Variants in DNAH14 observed in about 807,000 individuals in gnomAD.
The protein encoded by DNAH14 is axonemal beta dynein heavy chain 14.
In DNAH14, 478 loss-of-function variants were observed where a neutral mutation model predicts 520.9. The ratio of observed to expected loss-of-function variants is 0.92; its 90% CI spans 0.85 to 0.99. The LOEUF (loss-of-function observed/expected upper bound fraction) is 0.99, where lower values mean the gene tolerates loss of function less well. Among genes scored for constraint, DNAH14 ranks in the 50% least tolerant of loss-of-function variants. DNAH14 has a pLI of 0.00. For synonymous variants in DNAH14, 1,581 were observed against 1,757.2 expected (o/e 0.90, Z 2.51); for missense variants, 4,831 against 5,234.5 (o/e 0.92, Z 2.38).
At chr1:225,078,762 T>TTCTCAA (rs2072604498) in intron 17 of DNAH14, among the ~76,000 whole-genome samples, 1 of 50,610 alleles carries the variant, frequency 2.0e-5, no homozygotes, top group Non-Finnish European at 3.7e-5. Context: ...CACTCCCCCA[T>TTCTCAA]TCTCAATCTC....
chr1:225,339,489 C>T (rs2095135340), intron 68 of DNAH14, among the ~76,000 whole-genome samples: 1 of 152,186 alleles, frequency 6.6e-6, no homozygotes, highest in Non-Finnish European at 1.5e-5. Flanking sequence ...ACCAAACCCT[C>T]TTCAGAAAAT....
intron 17 of DNAH14, among the ~76,000 whole-genome samples, chr1:225,059,531 A>C (rs1465075157): frequency 6.6e-6 from 1 of 152,226 alleles, no homozygotes; most frequent in Non-Finnish European, 1.5e-5. Flanking sequence ...TTTACATTTC[A>C]GGTTAATATC....
At chr1:225,196,993 G>T (rs1559258560) in intron 38 of DNAH14, among the ~76,000 whole-genome samples, 1 of 152,108 alleles carries the variant, frequency 6.6e-6, no homozygotes, top group African/African-American at 2.4e-5. Flanking sequence ...CCACTCTGTG[G>T]GTTGTCTGTT....
intron 28 of DNAH14, among the ~76,000 whole-genome samples, chr1:225,141,478 C>T (rs1415571161): frequency 4.7e-4 from 6 of 12,760 alleles, no homozygotes; most frequent in African/African-American, 1.8e-3. Flanking sequence ...TCTGTTTGGG[C>T]GGGGGCGGGG....
chr1:225,229,563 A>G (rs887258079), intron 41 of DNAH14, among the ~76,000 whole-genome samples: 2 of 152,222 alleles, frequency 1.3e-5, no homozygotes, highest in East Asian at 1.9e-4. Context: ...TATGGCACAT[A>G]TACACCATGG....
intron 60 of DNAH14, among the ~76,000 whole-genome samples, chr1:225,309,347 GCTACCTGCCCATGTTTT>G (rs1048645778): frequency 2.0e-5 from 3 of 152,008 alleles, no homozygotes; most frequent in Admixed American, 6.6e-5. Flanking sequence ...ATCTTTTTAA[GCTACCTGCCCATGTTTT>G]AGGAGCTGAC....
chr1:224,988,537 A>C (rs919974883), intron 8 of DNAH14, among the ~76,000 whole-genome samples: 4 of 152,236 alleles, frequency 2.6e-5, no homozygotes, highest in Non-Finnish European at 4.4e-5. Flanking sequence ...GAATTAGTTC[A>C]ACCATTGTGG....
At chr1:225,369,892 A>G (rs550464248) in intron 77 of DNAH14, among the ~76,000 whole-genome samples, 33 of 152,316 alleles carry the variant, frequency 2.2e-4, no homozygotes, top group African/African-American at 7.7e-4. Flanking sequence ...ATAGGATATT[A>G]AAAGGGAAAT....
rs182883239 is a variant in DNAH14, at chr1:225,202,171, T to G, written c.5887-2012T>G. On this transcript the variant is annotated intron_variant, in intron 38 of 85. Coordinates refer to ENST00000682510, the MANE Select transcript of DNAH14 (RefSeq NM_001367479.1). ...GATTACAGGCGTGAGCCACCTCACC[T>G]GGCCCAGGAGGTGGCACTTTCAAGA... Among the ~76,000 whole-genome samples the G allele has an allele frequency of 3.5e-3, 535 of 152,278 alleles. 4 individuals are homozygous for G. Among genetic ancestry groups the G allele is most frequent in the African/African-American group, 0.012 (518 of 41,574 alleles).
chr1:224,967,562 T>C lies in DNAH14; in HGVS notation c.630T>C (p.Ile210=). ...TAKHCKEFWV[I]TASFISKVIN... ...AACATTGCAAAGAATTTTGGGTTAT[T>C]ACTGCTTCATTTATCTCAAAGGTAA... Residue 210 remains isoleucine (I), a synonymous_variant, in exon 6 of 86, where the codon ATT becomes ATC. Coordinates refer to ENST00000682510, the MANE Select transcript of DNAH14 (RefSeq NM_001367479.1). 3.7e-6 allele frequency: 6 copies of C among 1,603,628 alleles called. No individual in the cohort carries two copies. Among genetic ancestry groups the C allele is most frequent in the Non-Finnish European group, 5.1e-6 (6 of 1,176,578 alleles).
Position 225,272,032 on chromosome 1 carries a change from A to G in DNAH14, c.7798A>G (p.Thr2600Ala). 1.3e-6 allele frequency: 2 copies of G among 1,550,632 alleles called. No homozygotes were observed. Among genetic ancestry groups the G allele is most frequent in the Non-Finnish European group, 1.7e-6 (2 of 1,146,564 alleles). ...QVRQNMLPTP[T>A]KCHYMFNLRD... ...ACGTCAGAATATGTTACCAACTCCA[A>G]CAAAATGTCACTACATGTTTAATCT... The change falls in exon 51 of 86, where the codon ACA (threonine) becomes GCA (alanine). Residue 2600 changes from threonine (T) to alanine (A), a missense_variant. Thr to Ala is a moderately conservative substitution (Grantham distance 58, BLOSUM62 0). Transcript: ENST00000682510.
chr1:225,240,844 A>G, intron 43 of DNAH14, 22 bp downstream of exon 43: 2 of 1,428,930 alleles, frequency 1.4e-6, no homozygotes, highest in Non-Finnish European at 1.9e-6. Flanking sequence ...GGGAAAAATC[A>G]TAACTATACT....
chr1:225,119,300 T>A lies in DNAH14; in HGVS notation c.4166+6T>A, dbSNP rs1278546717. On this transcript the variant is annotated splice_donor_region_variant and intron_variant, in intron 26 of 85. Coordinates refer to ENST00000682510, the MANE Select transcript of DNAH14 (RefSeq NM_001367479.1). ...ATGTTCGATGTGCTAAAAAAGTAAG[T>A]ACAATTTTCAAATCCTAAAATTATA... 2.0e-6 allele frequency: 3 copies of A among 1,504,510 alleles called. No homozygotes were observed. Among genetic ancestry groups the A allele is most frequent in the South Asian group, 2.7e-5 (2 of 73,102 alleles). 93.2% of individuals were successfully genotyped at this position (1,504,510 alleles called of 1,614,324 possible). A position where few individuals can be genotyped will look rare whatever the true frequency, so the allele number is the denominator to read the frequency against.
chr1:225,390,399 G>T (rs1232809617), intron 83 of DNAH14, among the ~76,000 whole-genome samples: 3 of 152,166 alleles, frequency 2.0e-5, no homozygotes, highest in Non-Finnish European at 4.4e-5. Context: ...GAGTTGTAAA[G>T]GGGTGACGCT....
rs139592444 is a variant in DNAH14, at chr1:225,148,458, A to G, written c.4940+1209A>G. Among the ~76,000 whole-genome samples, 140 of 139,976 alleles carry G rather than the reference A, an allele frequency of 1.0e-3. 2 individuals are homozygous for G. The East Asian group carries it at 0.024, about 24-fold the overall frequency. The allele number at this position is 139,976 out of a possible 152,430, so 91.8% of individuals were successfully genotyped here. On this transcript the variant is annotated intron_variant, in intron 31 of 85. Coordinates refer to ENST00000682510, the MANE Select transcript of DNAH14 (RefSeq NM_001367479.1). ...ACTCTGTTGCCCAGGCTGGAGTGCA[A>G]TGGCACAATCTCAGCTCACTGCAGC...
At chr1:225,095,236 G>A (rs149081315) in intron 21 of DNAH14, among the ~76,000 whole-genome samples, 12 of 152,210 alleles carry the variant, frequency 7.9e-5, no homozygotes, top group African/African-American at 1.9e-4. Flanking sequence ...TAGCAAAGAC[G>A]TGGAATTAAC....
intron 17 of DNAH14, among the ~76,000 whole-genome samples, chr1:225,062,511 AT>A (rs2070297559): frequency 6.6e-6 from 1 of 150,748 alleles, no homozygotes; most frequent in Admixed American, 6.7e-5. Context: ...TATGGCTGAA[AT>A]TTTTAGGGCA....
At chr1:225,121,471 T>A (rs1252187548) in intron 26 of DNAH14, among the ~76,000 whole-genome samples, 1 of 152,370 alleles carries the variant, frequency 6.6e-6, no homozygotes, top group East Asian at 1.9e-4. Flanking sequence ...AGAATGTTTT[T>A]TAGATTCTCC....
intron 12 of DNAH14, among the ~76,000 whole-genome samples, chr1:225,040,519 A>C (rs924149039): frequency 6.6e-6 from 1 of 152,186 alleles, no homozygotes; most frequent in African/African-American, 2.4e-5. Flanking sequence ...ATAAGCAAAC[A>C]CTCATGTAGG....
Sources: gnomAD v4.1 joint callset for allele counts (sites outside exome capture counted in the v4.1 genomes callset) on GRCh38, gnomAD v4.1.1 for gene constraint, MANE v1.5 for transcripts, NCBI Gene and HGNC (gene_info 2026-07-23, HGNC 2026-07-21) for gene names.